The following PLCE1 variants were observed in gnomAD, a reference collection of about 807,000 sequenced individuals.
The protein encoded by PLCE1 is phospholipase C epsilon 1, also known as 1-phosphatidylinositol 4,5-bisphosphate phosphodiesterase epsilon-1.
A neutral mutation model predicts 242.8 loss-of-function variants in PLCE1; 119 were observed. The ratio of observed to expected loss-of-function variants is 0.49; its 90% CI spans 0.42 to 0.57. PLCE1 has a LOEUF of 0.57. Among genes scored for constraint, PLCE1 ranks in the 20% least tolerant of loss-of-function variants. The pLI, the probability that PLCE1 is intolerant of heterozygous loss-of-function variation, is 0.00. For synonymous variants in PLCE1, 945 were observed against 1,017.4 expected (o/e 0.93, Z 1.35); for missense variants, 2,441 against 2,788.8 (o/e 0.88, Z 2.81).
intron 29 of PLCE1, among the ~76,000 whole-genome samples, chr10:94,320,574 G>A (rs1037527353): frequency 3.3e-5 from 5 of 152,210 alleles, no homozygotes; most frequent in Non-Finnish European, 5.9e-5. Flanking sequence ...TAGTTAGTTA[G>A]CACCCATTTC....
At chr10:94,255,875 A>ATC (rs1491447104) in intron 11 of PLCE1, among the ~76,000 whole-genome samples, 2 of 97,148 alleles carry the variant, frequency 2.1e-5, no homozygotes, top group African/African-American at 4.4e-5. Flanking sequence ...TCTTTACTTT[A>ATC]TCTCACACAC....
intron 4 of PLCE1, among the ~76,000 whole-genome samples, chr10:94,179,465 G>A (rs1202598365): frequency 2.0e-5 from 3 of 148,448 alleles, no homozygotes; most frequent in Non-Finnish European, 3.0e-5. Flanking sequence ...GCAACCTCAA[G>A]CCAGATACCT....
chr10:94,199,180 G>A (rs968491629), intron 4 of PLCE1, among the ~76,000 whole-genome samples: 2 of 152,186 alleles, frequency 1.3e-5, no homozygotes, highest in Non-Finnish European at 2.9e-5. Context: ...TTTATTTTCA[G>A]CTTTTATGCC....
intron 2 of PLCE1, among the ~76,000 whole-genome samples, chr10:94,039,999 G>A (rs547809113): frequency 3.4e-4 from 51 of 152,024 alleles, no homozygotes; most frequent in Admixed American, 1.2e-3. Flanking sequence ...TGAAGATCAG[G>A]CAAGTGGCAA....
At chr10:94,005,379 C>A (rs150755228) in intron 1 of PLCE1, among the ~76,000 whole-genome samples, 1 of 152,146 alleles carries the variant, frequency 6.6e-6, no homozygotes, top group Non-Finnish European at 1.5e-5. Context: ...CTTTGTTACT[C>A]GTTTTGAAAT....
At chr10:94,267,231 T>G (rs2051553218) in intron 16 of PLCE1, among the ~76,000 whole-genome samples, 1 of 152,246 alleles carries the variant, frequency 6.6e-6, no homozygotes, top group South Asian at 2.1e-4. Flanking sequence ...TGTATATTTA[T>G]GTACTTGTGT....
chr10:94,098,980 T>C (rs1264158812), intron 2 of PLCE1, among the ~76,000 whole-genome samples: 2 of 152,172 alleles, frequency 1.3e-5, no homozygotes, highest in East Asian at 3.9e-4. Flanking sequence ...TGCCAGGCCA[T>C]CTGGGAAATG....
At chr10:94,264,429 T>A (rs2051431705) in intron 14 of PLCE1, among the ~76,000 whole-genome samples, 1 of 151,788 alleles carries the variant, frequency 6.6e-6, no homozygotes, top group Non-Finnish European at 1.5e-5. Flanking sequence ...CCGGGCCTTT[T>A]AGAGCTTGAT....
At chr10:94,074,915 T>A (rs1279187957) in intron 2 of PLCE1, among the ~76,000 whole-genome samples, 3 of 152,202 alleles carry the variant, frequency 2.0e-5, no homozygotes, top group African/African-American at 4.8e-5. Flanking sequence ...TCAATTATAG[T>A]CCTCTCCTCA....
chr10:94,315,354 T>C (rs746978213), intron 28 of PLCE1: 4 of 455,288 alleles, frequency 8.8e-6, no homozygotes, highest in Non-Finnish European at 1.8e-5. Context: ...CCAGACCAGA[T>C]GGTGGCAGCT....
At chr10:94,235,460 T>A (rs2050290678) in intron 6 of PLCE1, among the ~76,000 whole-genome samples, 1 of 152,222 alleles carries the variant, frequency 6.6e-6, no homozygotes, top group Non-Finnish European at 1.5e-5. Flanking sequence ...AAGAAGCCAC[T>A]GTGTTATTAT....
chr10:94,118,895 C>T (rs772943498), intron 2 of PLCE1, among the ~76,000 whole-genome samples: 8 of 152,134 alleles, frequency 5.3e-5, no homozygotes, highest in African/African-American at 1.2e-4. Context: ...TTTAATGCCA[C>T]GACCCGTCCA....
chr10:94,128,176 C>A (rs1393259408), intron 2 of PLCE1, among the ~76,000 whole-genome samples: 1 of 151,926 alleles, frequency 6.6e-6, no homozygotes, highest in Non-Finnish European at 1.5e-5. Flanking sequence ...TTAGTAGAGA[C>A]GGGGTTTTAC....
In PLCE1 at chr10:94,331,869, CTTTT is replaced by C. The variant is rs36054579; in HGVS notation, c.*3943_*3946del. 15 of 119,070 alleles carry C rather than the reference CTTTT, an allele frequency of 1.3e-4. No homozygotes were observed. The highest frequency in any genetic ancestry group is 9.1e-5 in the Admixed American group (1 of 11,012). The allele number at this position is 119,070 out of a possible 1,614,324, so 7.4% of individuals were successfully genotyped here. The stretch of plus-strand genomic sequence containing the variant: ...GAGTCTCTATGATTACCAAGTTATT[CTTTT>C]TTTTTTTTTTTTTTTTGAGGCAAAG... On this transcript the variant is annotated 3_prime_UTR_variant, in exon 33 of 33. Coordinates refer to ENST00000371380, the MANE Select transcript of PLCE1 (RefSeq NM_016341.4).
chr10:94,281,032 A>G (rs2052192438), intron 20 of PLCE1, among the ~76,000 whole-genome samples: 1 of 152,260 alleles, frequency 6.6e-6, no homozygotes, highest in African/African-American at 2.4e-5. Context: ...AGCTAATATG[A>G]GAGACATATC....
chr10:94,255,914 A>T (rs865896241), intron 11 of PLCE1, among the ~76,000 whole-genome samples: 107 of 67,332 alleles, frequency 1.6e-3, no homozygotes, highest in East Asian at 4.0e-3. Context: ...ACACACACAC[A>T]CTCTCTCTCT....
At chr10:94,285,796 C>T (rs187591203) in intron 22 of PLCE1, among the ~76,000 whole-genome samples, 106 of 152,278 alleles carry the variant, frequency 7.0e-4, no homozygotes, top group African/African-American at 2.5e-3. Flanking sequence ...ACCACAAGGA[C>T]CAAGGATGGC....
At chr10:94,152,330 A>G (rs1004389627) in intron 3 of PLCE1, among the ~76,000 whole-genome samples, 1 of 152,258 alleles carries the variant, frequency 6.6e-6, no homozygotes, top group Non-Finnish European at 1.5e-5. Context: ...GATACATCGC[A>G]TAGGTGGAAT....
intron 8 of PLCE1, among the ~76,000 whole-genome samples, chr10:94,248,900 A>G (rs2050779961): frequency 1.3e-5 from 2 of 152,162 alleles, no homozygotes; most frequent in Non-Finnish European, 2.9e-5. Context: ...TTGGTTTCTC[A>G]TTTACCCTGG....
Sources: allele counts gnomAD v4.1 joint callset (sites outside exome capture counted in the v4.1 genomes callset), GRCh38; gene constraint gnomAD v4.1.1; transcripts MANE v1.5; gene names NCBI Gene and HGNC (gene_info 2026-07-23, HGNC 2026-07-21).